The following LNPEP variants were observed in gnomAD, a reference collection of about 807,000 sequenced individuals.
LNPEP encodes leucyl and cystinyl aminopeptidase.
LNPEP carries 64 observed loss-of-function variants against 120.6 expected under a neutral mutation model. The ratio of observed to expected loss-of-function variants is 0.53; its 90% CI spans 0.43 to 0.65. The LOEUF is 0.65. LNPEP is among the 30% of genes least tolerant of loss of function. The probability of loss-of-function intolerance (pLI) is 0.00; values close to 1 mark genes in which losing one functional copy is unlikely to be tolerated. For missense variants in LNPEP, 1,057 were observed against 1,200.0 expected (o/e 0.88, Z 1.76); for synonymous variants, 435 against 425.4 (o/e 1.02, Z -0.28).
At chr5:97,015,900 AT>A (rs566461611) in intron 13 of LNPEP, among the ~76,000 whole-genome samples, 120 of 151,846 alleles carry the variant, frequency 7.9e-4, no homozygotes, top group Admixed American at 1.4e-3. Context: ...TTTTTTTAAC[AT>A]TTTTTTTATT....
intron 13 of LNPEP, 91 bp downstream of exon 13, chr5:97,015,186 A>C (rs576042217): frequency 2.1e-4 from 162 of 788,926 alleles, no homozygotes; most frequent in South Asian, 6.7e-4. Flanking sequence ...CTGAAAAAGC[A>C]ACCAGTTAAA....
chr5:97,010,905 A>G lies in LNPEP; in HGVS notation c.2036-2743A>G, dbSNP rs1384192598. On this transcript the variant is annotated intron_variant, in intron 11 of 17. Transcript: ENST00000231368. ...TTCTGGATCATTCAGAAGAACTGAA[A>G]GAGACTAATGATGTTGATTCTTTAA... is the stretch of plus-strand genomic sequence containing the variant. 3 of 985,214 alleles carry G rather than the reference A, an allele frequency of 3.0e-6. No homozygotes were observed. In the Admixed American group the frequency reaches 1.8e-4, roughly 61 times the overall value. 61.0% of individuals were successfully genotyped at this position (985,214 alleles called of 1,614,324 possible).
intron 1 of LNPEP, among the ~76,000 whole-genome samples, chr5:96,945,423 A>G (rs1183009452): frequency 6.6e-6 from 1 of 151,350 alleles, no homozygotes; most frequent in Non-Finnish European, 1.5e-5. Context: ...AAAAAAAAAA[A>G]AGAGATCAGA....
intron 14 of LNPEP, among the ~76,000 whole-genome samples, 189 bp from the exon 15 acceptor site, chr5:97,024,332 A>T (rs1054796791): frequency 6.6e-6 from 1 of 152,196 alleles, no homozygotes; most frequent in African/African-American, 2.4e-5. Context: ...AATTGAACTG[A>T]TGTATCCATA....
At chr5:96,939,231 T>TG (rs1015391176) in intron 1 of LNPEP, among the ~76,000 whole-genome samples, 1 of 151,078 alleles carries the variant, frequency 6.6e-6, no homozygotes, top group African/African-American at 2.4e-5. Flanking sequence ...TTTTTTTTTT[T>TG]GAGACACAGT....
chr5:97,006,047 TA>T, intron 9 of LNPEP, 25 bp from the exon 10 acceptor site: 2 of 282,056 alleles, frequency 7.1e-6, no homozygotes, highest in Admixed American at 2.2e-4. Context: ...GAAAAAGTTT[TA>T]TATATATATA....
chr5:96,937,023 C>T (rs1286087182), intron 1 of LNPEP: 1 of 152,188 alleles, frequency 6.6e-6, no homozygotes, highest in Non-Finnish European at 1.5e-5. Context: ...GGTGAGATGT[C>T]TTACCGTTTT....
In LNPEP at chr5:97,030,233, T is replaced by C. The variant is rs1211417186; in HGVS notation, c.*1700T>C. ...AGTCTTTTCTAAAATTTATCTGTTT[T>C]AGAGTAGAAAATATTATATCCTGAG... On this transcript the variant is annotated 3_prime_UTR_variant, in exon 18 of 18. Transcript: ENST00000231368. 6.6e-6 allele frequency: 1 copy of C among 152,190 alleles called. No homozygotes were observed. The highest frequency in any genetic ancestry group is 1.5e-5 in the Non-Finnish European group (1 of 68,014). 9.4% of individuals were successfully genotyped at this position (152,190 alleles called of 1,614,324 possible). A position where few individuals can be genotyped will look rare whatever the true frequency, so the allele number is the denominator to read the frequency against.
At chr5:96,989,961 T>A (rs1471126587) in intron 4 of LNPEP, among the ~76,000 whole-genome samples, 1 of 152,162 alleles carries the variant, frequency 6.6e-6, no homozygotes, top group Non-Finnish European at 1.5e-5. Context: ...TAAGGAAAGG[T>A]GCTCAGTGAT....
chr5:96,945,415 A>G (rs1349078956), intron 1 of LNPEP, among the ~76,000 whole-genome samples: 1 of 151,870 alleles, frequency 6.6e-6, no homozygotes, highest in Non-Finnish European at 1.5e-5. Flanking sequence ...CAAAAAAAAA[A>G]AAAAAAAAAG....
chr5:97,021,438 C>A (rs553589723), intron 13 of LNPEP, among the ~76,000 whole-genome samples: 1 of 152,236 alleles, frequency 6.6e-6, no homozygotes, highest in South Asian at 2.1e-4. Flanking sequence ...CATTTTCTTG[C>A]TAATTTGGTT....
chr5:97,013,584 A>T, intron 11 of LNPEP, 64 bp from the exon 12 acceptor site: 1 of 897,588 alleles, frequency 1.1e-6, no homozygotes, highest in Non-Finnish European at 1.6e-6. Context: ...CAAAGCACTC[A>T]TAATTTTTTT....
chr5:97,037,451 A>G lies in LNPEP; in HGVS notation c.*8918A>G, dbSNP rs1791589063. 1 of 152,186 alleles carries G rather than the reference A, an allele frequency of 6.6e-6. No homozygotes were observed. Among genetic ancestry groups the G allele is most frequent in the South Asian group, 2.1e-4 (1 of 4,834 alleles). The allele number at this position is 152,186 out of a possible 1,614,324, so 9.4% of individuals were successfully genotyped here. A position where few individuals can be genotyped will look rare whatever the true frequency, so the allele number is the denominator to read the frequency against. ...ATATGACCAGCACTGACTGAAAGGCATGTGTAGCTGCAAACACTGTTGCTT... is the reference window on the plus strand; with the variant it reads ...ATATGACCAGCACTGACTGAAAGGCGTGTGTAGCTGCAAACACTGTTGCTT... On this transcript the variant is annotated 3_prime_UTR_variant, in exon 18 of 18. Coordinates refer to ENST00000231368, the MANE Select transcript of LNPEP (RefSeq NM_005575.3).
At chr5:97,008,739 A>C (rs2112650691) in intron 11 of LNPEP, among the ~76,000 whole-genome samples, 1 of 137,518 alleles carries the variant, frequency 7.3e-6, no homozygotes. Context: ...ATCTCAGCTC[A>C]CTGCAAGCTC....
At position 96,979,481 on chromosome 5, in the gene LNPEP, T is replaced by C. The variant is rs1790074571; in HGVS notation, c.363T>C (p.Ala121=). 1 of 1,614,106 alleles carries C rather than the reference T, an allele frequency of 6.2e-7. No homozygotes were observed. Among genetic ancestry groups the C allele is most frequent in the Admixed American group, 1.7e-5 (1 of 60,006 alleles). The change falls in exon 2 of 18, where the codon GCT becomes GCC. Residue 121 remains alanine (A), a synonymous_variant. Transcript: ENST00000231368. ...TCTGTGCTTTTGTCATCGTGGTTGC[T>C]GTTTCTGTAATCATGGTGATTTACT... is the stretch of plus-strand genomic sequence containing the variant. ...MVVCAFVIVV[A]VSVIMVIYLL...
rs1791585200 is a variant in LNPEP, at chr5:97,037,194, T to C, written c.*8661T>C. 6.6e-6 allele frequency: 1 copy of C among 152,206 alleles called. No individual in the cohort carries two copies. Among genetic ancestry groups the C allele is most frequent in the African/African-American group, 2.4e-5 (1 of 41,458 alleles). The allele number at this position is 152,206 out of a possible 1,614,324, so 9.4% of individuals were successfully genotyped here. On this transcript the variant is annotated 3_prime_UTR_variant, in exon 18 of 18. Transcript: ENST00000231368. ...AGCCTCTTTCAAATACTTTGGAAAG[T>C]AGTTACTTGGAAACTTGTAAAGGTA...
In LNPEP at chr5:97,035,355, G is replaced by T. The variant is rs775788442; in HGVS notation, c.*6822G>T. The T allele has an allele frequency of 1.1e-4, 17 of 151,994 alleles. No individual in the cohort carries two copies. Among genetic ancestry groups the T allele is most frequent in the Non-Finnish European group, 1.9e-4 (13 of 67,988 alleles). 9.4% of individuals were successfully genotyped at this position (151,994 alleles called of 1,614,324 possible). A position where few individuals can be genotyped will look rare whatever the true frequency, so the allele number is the denominator to read the frequency against. Reference sequence around the variant, plus strand: ...TCTCCCATCCTCCCCTTTCCTTATTGCCTGTGTCGGCAATAGGAAGTAGAA... The same window carrying T: ...TCTCCCATCCTCCCCTTTCCTTATTTCCTGTGTCGGCAATAGGAAGTAGAA... On this transcript the variant is annotated 3_prime_UTR_variant, in exon 18 of 18. Transcript: ENST00000231368.
intron 6 of LNPEP, 56 bp downstream of exon 6, chr5:96,994,027 A>G: frequency 2.1e-6 from 3 of 1,413,844 alleles, no homozygotes; most frequent in Non-Finnish European, 2.9e-6. Context: ...CATGTCCTGG[A>G]GTTATTGTTA....
chr5:97,028,165 G>A (rs1437439376), intron 17 of LNPEP, among the ~76,000 whole-genome samples: 1 of 152,142 alleles, frequency 6.6e-6, no homozygotes, highest in Non-Finnish European at 1.5e-5. Context: ...TCCATTTTAA[G>A]TTAGAAAAAT....
Sources: allele counts gnomAD v4.1 joint callset (sites outside exome capture counted in the v4.1 genomes callset), GRCh38; gene constraint gnomAD v4.1.1; transcripts MANE v1.5; gene names NCBI Gene and HGNC (gene_info 2026-07-23, HGNC 2026-07-21).